RALY: variants seen among roughly 807,000 people sequenced by gnomAD.
The protein encoded by RALY is RALY heterogeneous nuclear ribonucleoprotein, also known as RNA-binding protein Raly.
A neutral mutation model predicts 30.7 loss-of-function variants in RALY; 15 were observed. The observed-to-expected ratio is 0.49, with a 90% confidence interval of 0.33 to 0.75. The LOEUF is 0.75. Among genes scored for constraint, RALY ranks in the 30% least tolerant of loss-of-function variants. RALY has a pLI of 0.02. For synonymous variants in RALY, 177 were observed against 170.8 expected, an observed-to-expected ratio of 1.04 and a Z score of -0.28; for missense variants, 339 against 414.3, an observed-to-expected ratio of 0.82 and a Z score of 1.58.
intron 2 of RALY, among the ~76,000 whole-genome samples, chr20:34,044,367 C>T (rs2123145552): frequency 6.6e-6 from 1 of 151,812 alleles, no homozygotes; most frequent in Admixed American, 6.6e-5. Context: ...CTCTTATTGC[C>T]CAGACCGGAA....
At chr20:34,036,139 TAA>T (rs200691795) in intron 2 of RALY, among the ~76,000 whole-genome samples, 1 of 144,922 alleles carries the variant, frequency 6.9e-6, no homozygotes. Context: ...TGACATCCAT[TAA>T]AAAAAAAAAA....
chr20:34,073,488 G>A (rs758917762), intron 3 of RALY, 75 bp from the exon 4 acceptor site: 5 of 1,344,114 alleles, frequency 3.7e-6, no homozygotes, highest in South Asian at 1.2e-5. Flanking sequence ...GAATTGCTGT[G>A]CGTGTGCATG....
At chr20:34,057,866 CT>C (rs1169999805) in intron 2 of RALY, among the ~76,000 whole-genome samples, 1 of 152,048 alleles carries the variant, frequency 6.6e-6, no homozygotes, top group African/African-American at 2.4e-5. Context: ...ATGTATATGC[CT>C]AATAGAGAAC....
chr20:34,028,963 C>A (rs549950256), intron 1 of RALY, among the ~76,000 whole-genome samples: 9 of 152,054 alleles, frequency 5.9e-5, no homozygotes, highest in African/African-American at 2.2e-4. Flanking sequence ...GGAGCCATGA[C>A]TTTTTTTGAG....
At chr20:34,077,483 A>C in intron 8 of RALY, 1 of 798,214 alleles carries the variant, frequency 1.3e-6, no homozygotes, top group Non-Finnish European at 1.9e-6. Flanking sequence ...ATGCGGGCAC[A>C]TTCTGGCCTC....
chr20:34,059,622 C>T (rs1489037204), intron 2 of RALY, among the ~76,000 whole-genome samples: 1 of 152,196 alleles, frequency 6.6e-6, no homozygotes, highest in Non-Finnish European at 1.5e-5. Context: ...CCCCAGCGCT[C>T]TACAGGCAAG....
At chr20:34,051,663 T>G (rs2033083008) in intron 2 of RALY, among the ~76,000 whole-genome samples, 1 of 152,176 alleles carries the variant, frequency 6.6e-6, no homozygotes, top group Non-Finnish European at 1.5e-5. Flanking sequence ...TGGCGTGATC[T>G]CCGCTCACTG....
intron 1 of RALY, among the ~76,000 whole-genome samples, chr20:34,011,780 A>G (rs931530476): frequency 6.6e-6 from 1 of 152,178 alleles, no homozygotes; most frequent in Non-Finnish European, 1.5e-5. Flanking sequence ...AGAAGCAGCC[A>G]TGGGGCCAGA....
At chr20:34,057,823 G>A (rs1432887383) in intron 2 of RALY, among the ~76,000 whole-genome samples, 1 of 152,092 alleles carries the variant, frequency 6.6e-6, no homozygotes, top group East Asian at 1.9e-4. Context: ...GGCCAAATGA[G>A]GAGGGCGTGG....
At chr20:34,028,425 C>A (rs1465731934) in intron 1 of RALY, among the ~76,000 whole-genome samples, 1 of 151,940 alleles carries the variant, frequency 6.6e-6, no homozygotes, top group African/African-American at 2.4e-5. Context: ...AATGAATATA[C>A]CCACAAGCCG....
chr20:34,006,944 A>G (rs1243739189), intron 1 of RALY, among the ~76,000 whole-genome samples: 2 of 152,120 alleles, frequency 1.3e-5, no homozygotes, highest in East Asian at 3.8e-4. Flanking sequence ...GTTTTTTTCT[A>G]TAGATTTTTC....
chr20:34,018,460 C>G (rs775607618), intron 1 of RALY, among the ~76,000 whole-genome samples: 4 of 152,108 alleles, frequency 2.6e-5, no homozygotes, highest in Non-Finnish European at 4.4e-5. Flanking sequence ...CACAGCCTGC[C>G]CCTCCTTTCT....
chr20:34,040,125 G>A (rs1364833443), intron 2 of RALY, among the ~76,000 whole-genome samples: 2 of 151,754 alleles, frequency 1.3e-5, no homozygotes, highest in African/African-American at 4.8e-5. Flanking sequence ...AAAAAAAAGT[G>A]CAATAATGAT....
intron 2 of RALY, among the ~76,000 whole-genome samples, chr20:34,056,029 A>G (rs1401422644): frequency 2.6e-5 from 4 of 152,196 alleles, no homozygotes; most frequent in South Asian, 4.1e-4. Flanking sequence ...GGGACTTACA[A>G]GTGCCTCCTT....
chr20:34,035,168 A>AC (rs2032439835), intron 2 of RALY, among the ~76,000 whole-genome samples: 3 of 119,430 alleles, frequency 2.5e-5, no homozygotes, highest in Admixed American at 7.5e-5. Flanking sequence ...AAAAAAAAAA[A>AC]AAAAAAAAAA....
chr20:34,029,388 A>G (rs1341881254), intron 1 of RALY, among the ~76,000 whole-genome samples: 1 of 151,088 alleles, frequency 6.6e-6, no homozygotes, highest in African/African-American at 2.4e-5. Flanking sequence ...CAGTGAGCCA[A>G]GATCGCGCCA....
chr20:34,079,119 T>C (rs931870193), intron 9 of RALY, among the ~76,000 whole-genome samples: 16 of 152,170 alleles, frequency 1.1e-4, no homozygotes, highest in African/African-American at 3.9e-4. Flanking sequence ...AAGGGCCGTA[T>C]GTGTCAGGCT....
intron 1 of RALY, among the ~76,000 whole-genome samples, chr20:34,003,560 A>C (rs1384015749): frequency 4.6e-5 from 7 of 151,294 alleles, no homozygotes; most frequent in African/African-American, 1.7e-4. Context: ...GGGAACAGTG[A>C]GTAAGTGTTC....
intron 2 of RALY, among the ~76,000 whole-genome samples, chr20:34,070,962 C>T (rs1309854749): frequency 2.6e-5 from 4 of 152,058 alleles, no homozygotes; most frequent in South Asian, 2.1e-4. Context: ...TGGAAGGCGA[C>T]GGGGAAGTAG....
Sources: allele counts gnomAD v4.1 joint callset (sites outside exome capture counted in the v4.1 genomes callset), GRCh38; gene constraint gnomAD v4.1.1; transcripts MANE v1.5; gene names NCBI Gene and HGNC (gene_info 2026-07-23, HGNC 2026-07-21).